YY1AP1: variants seen among roughly 807,000 people sequenced by gnomAD.
YY1AP1 encodes the protein YY1 associated protein 1.
In YY1AP1, 43 loss-of-function variants were observed where a neutral mutation model predicts 39.9. The observed-to-expected ratio is 1.08, with a 90% CI of 0.84 to 1.39. YY1AP1 has a LOEUF of 1.39. Ranked by LOEUF, YY1AP1 falls within the 40% of genes most tolerant of loss-of-function variation. The pLI, the probability that YY1AP1 is intolerant of heterozygous loss-of-function variation, is 0.00. For missense variants in YY1AP1, 813 were observed against 900.7 expected, an observed-to-expected ratio of 0.90 and a Z score of 1.25; for synonymous variants, 292 against 331.3, an observed-to-expected ratio of 0.88 and a Z score of 1.29.
In YY1AP1 at chr1:155,672,786, A is replaced by G. The variant is rs664735; in HGVS notation, c.412-55T>C. ...AGACAATTCCAGACAATTAATACCA[A>G]TAGCCTTCAGAATCTAAATGAGAAG... On this transcript the variant is annotated intron_variant, in intron 6 of 10. Transcript: ENST00000355499. The G allele has an allele frequency of 8.0e-5, 129 of 1,613,110 alleles. No individual in the cohort carries two copies. In the African/African-American group the frequency reaches 1.5e-3, roughly 19 times the overall value.
rs761210162 is a variant in YY1AP1 at position 155,688,178 on chromosome 1, G to T, written c.-128C>A. ...CACCGCGGATCCCTCCCGCTTGTCA[G>T]GAGGCGGCCAGCGGGTAAGCCGACT... On this transcript the variant is annotated 5_prime_UTR_variant, in exon 2 of 11. The change creates a new upstream start codon in the 5' untranslated region. Transcript: ENST00000355499. The T allele has an allele frequency of 3.1e-6, 5 of 1,614,042 alleles. No individual in the cohort carries two copies. The Admixed American group carries it at 6.7e-5, about 22-fold the overall frequency.
intron 8 of YY1AP1, among the ~76,000 whole-genome samples, chr1:155,669,208 T>G (rs947579561): frequency 6.6e-6 from 1 of 152,194 alleles, no homozygotes; most frequent in Non-Finnish European, 1.5e-5. Context: ...TAATGTTTTA[T>G]TTCATTATTT....
chr1:155,674,230 A>G (rs998096087), intron 6 of YY1AP1, among the ~76,000 whole-genome samples: 1 of 152,012 alleles, frequency 6.6e-6, no homozygotes, highest in Non-Finnish European at 1.5e-5. Context: ...AGCTCTACAC[A>G]TAAAACACTA....
intron 6 of YY1AP1, among the ~76,000 whole-genome samples, chr1:155,674,331 C>G (rs1424725554): frequency 3.3e-5 from 5 of 151,476 alleles, no homozygotes. Context: ...ACAAAAAAAA[C>G]ACAGACCGGG....
At chr1:155,661,188 G>A (rs1157910324) in intron 10 of YY1AP1, 119 bp downstream of exon 10, 4 of 1,607,206 alleles carry the variant, frequency 2.5e-6, no homozygotes, top group Admixed American at 3.4e-5. Context: ...GAATCAGGAA[G>A]ATTCCTGAAG....
chr1:155,688,898 A>G (rs781551482), upstream of YY1AP1: 4 of 1,612,496 alleles, frequency 2.5e-6, no homozygotes, highest in African/African-American at 4.0e-5. Flanking sequence ...TGGAATTGCC[A>G]GGGTGGCCGG....
At chr1:155,663,872 G>A (rs892093625) in intron 9 of YY1AP1, among the ~76,000 whole-genome samples, 2 of 152,046 alleles carry the variant, frequency 1.3e-5, no homozygotes, top group African/African-American at 4.8e-5. Flanking sequence ...AAAAACAGGT[G>A]TTACACAAAG....
intron 2 of YY1AP1, among the ~76,000 whole-genome samples, chr1:155,682,339 G>A (rs1651643008): frequency 6.6e-6 from 1 of 151,950 alleles, no homozygotes; most frequent in African/African-American, 2.4e-5. Flanking sequence ...TCTGGTTCTT[G>A]ATATCATGTA....
chr1:155,669,139 T>C (rs188153043), intron 8 of YY1AP1, among the ~76,000 whole-genome samples: 65 of 152,322 alleles, frequency 4.3e-4, no homozygotes, highest in Admixed American at 1.0e-3. Context: ...GTTCAATCGA[T>C]TCCCGCACTT....
chr1:155,669,917 A>G (rs930168228), intron 8 of YY1AP1, among the ~76,000 whole-genome samples: 1 of 152,162 alleles, frequency 6.6e-6, no homozygotes, highest in Non-Finnish European at 1.5e-5. Context: ...CAGCTACTCC[A>G]TGGAGGCTGA....
At chr1:155,675,613 T>G (rs968747124) in intron 5 of YY1AP1, among the ~76,000 whole-genome samples, 1 of 151,934 alleles carries the variant, frequency 6.6e-6, no homozygotes, top group Non-Finnish European at 1.5e-5. Context: ...TGTGAGCCAC[T>G]GTGCCCAGCC....
intron 6 of YY1AP1, chr1:155,674,793 T>TC: frequency 2.5e-6 from 1 of 395,414 alleles, no homozygotes; most frequent in Non-Finnish European, 4.7e-6. Context: ...TCCACCGCAC[T>TC]CCATCCTGGG....
chr1:155,667,598 T>G (rs1215830510), intron 9 of YY1AP1, among the ~76,000 whole-genome samples: 3 of 151,818 alleles, frequency 2.0e-5, no homozygotes, highest in Non-Finnish European at 2.9e-5. Context: ...CCGAGGCAGA[T>G]GGATCACCTG....
intron 5 of YY1AP1, among the ~76,000 whole-genome samples, chr1:155,676,164 G>C (rs1486873403): frequency 1.3e-5 from 2 of 152,024 alleles, no homozygotes; most frequent in Non-Finnish European, 2.9e-5. Context: ...AGAGCTTGCA[G>C]TGAGCTGAGA....
At chr1:155,688,303 C>G in intron 1 of YY1AP1, 102 bp from the exon 2 acceptor site, 1 of 1,566,314 alleles carries the variant, frequency 6.4e-7, no homozygotes, top group Non-Finnish European at 8.7e-7. Context: ...TTTCCCCTCG[C>G]AAAGCGAACC....
intron 9 of YY1AP1, among the ~76,000 whole-genome samples, chr1:155,667,933 T>TACAGAC (rs1649272979): frequency 1.4e-5 from 2 of 142,078 alleles, no homozygotes; most frequent in African/African-American, 5.4e-5. Flanking sequence ...CATACATACA[T>TACAGAC]ACAGACACAG....
intron 2 of YY1AP1, among the ~76,000 whole-genome samples, chr1:155,684,013 C>T (rs1050722309): frequency 3.3e-5 from 5 of 152,122 alleles, no homozygotes; most frequent in African/African-American, 7.2e-5. Flanking sequence ...TTTGGAAGGC[C>T]GAGACGGCTG....
intron 8 of YY1AP1, 65 bp downstream of exon 8, chr1:155,670,255 C>G: frequency 6.2e-7 from 1 of 1,606,934 alleles, no homozygotes; most frequent in Non-Finnish European, 8.5e-7. Context: ...CTTACTTCCC[C>G]TAAACTCCTC....
At chr1:155,674,032 G>A (rs1191277290) in intron 6 of YY1AP1, among the ~76,000 whole-genome samples, 1 of 151,548 alleles carries the variant, frequency 6.6e-6, no homozygotes, top group Non-Finnish European at 1.5e-5. Flanking sequence ...ATAGTGGCGG[G>A]TGCCTGTAGT....
Sources: gnomAD v4.1 joint callset for allele counts (sites outside exome capture counted in the v4.1 genomes callset) on GRCh38, gnomAD v4.1.1 for gene constraint, MANE v1.5 for transcripts, NCBI Gene and HGNC (gene_info 2026-07-23, HGNC 2026-07-21) for gene names.